VPS54: variants seen among roughly 807,000 people sequenced by gnomAD.
VPS54 encodes the protein vacuolar protein sorting-associated protein 54.
In VPS54, 45 loss-of-function variants were observed where a neutral mutation model predicts 121.5. The observed-to-expected ratio is 0.37, with a 90% CI of 0.29 to 0.47. VPS54 has a LOEUF of 0.47. VPS54 is among the 20% of genes least tolerant of loss of function. The pLI is 0.99. For missense variants in VPS54, 1,090 were observed against 1,131.4 expected (o/e 0.96, Z 0.52); for synonymous variants, 371 against 385.8 (o/e 0.96, Z 0.45).
At chr2:63,893,788 C>T (rs938901050) in intron 22 of VPS54, among the ~76,000 whole-genome samples, 1 of 152,026 alleles carries the variant, frequency 6.6e-6, no homozygotes, top group Non-Finnish European at 1.5e-5. Flanking sequence ...AAATTCAGCC[C>T]AAGAAAATCA....
intron 13 of VPS54, 137 bp from the exon 14 acceptor site, chr2:63,920,764 G>A: frequency 2.2e-6 from 1 of 463,404 alleles, no homozygotes; most frequent in Non-Finnish European, 3.2e-6. Flanking sequence ...CCCAGAAATT[G>A]AGCATGAAAT....
At chr2:64,018,591 AAAAGG>A (rs758350115) in intron 1 of VPS54, among the ~76,000 whole-genome samples, 12 of 151,256 alleles carry the variant, frequency 7.9e-5, no homozygotes, top group African/African-American at 2.4e-4. Context: ...CTGGAAAAAG[AAAAGG>A]AAAGTTTGGG....
intron 20 of VPS54, among the ~76,000 whole-genome samples, chr2:63,905,370 CCTCA>C (rs1672860034): frequency 6.6e-6 from 1 of 152,050 alleles, no homozygotes; most frequent in Non-Finnish European, 1.5e-5. Flanking sequence ...TAATACAGAT[CCTCA>C]CTGACATTAA....
chr2:63,938,874 C>G (rs1674587013), intron 11 of VPS54, among the ~76,000 whole-genome samples: 1 of 152,158 alleles, frequency 6.6e-6, no homozygotes. Flanking sequence ...CTTAATGCCA[C>G]TGAATTGTGC....
chr2:63,950,630 T>C (rs188806733), intron 7 of VPS54, among the ~76,000 whole-genome samples: 27 of 152,316 alleles, frequency 1.8e-4, no homozygotes, highest in African/African-American at 6.5e-4. Context: ...CTTCTCCCTT[T>C]GAAGCTTGTG....
chr2:63,921,154 A>T, intron 13 of VPS54, 52 bp downstream of exon 13: 3 of 1,534,912 alleles, frequency 2.0e-6, no homozygotes, highest in East Asian at 4.6e-5. Flanking sequence ...ATAATTCCAG[A>T]TCTTCAAAAT....
At chr2:64,004,071 G>C (rs1402029188) in intron 1 of VPS54, among the ~76,000 whole-genome samples, 1 of 152,144 alleles carries the variant, frequency 6.6e-6, no homozygotes, top group Non-Finnish European at 1.5e-5. Context: ...CAAGTTAAAA[G>C]GGGGTTCCCA....
chr2:63,901,435 A>G (rs1471306769), intron 20 of VPS54, among the ~76,000 whole-genome samples: 1 of 152,210 alleles, frequency 6.6e-6, no homozygotes, highest in Non-Finnish European at 1.5e-5. Context: ...AGGATAACTG[A>G]AAACCCTAGC....
intron 20 of VPS54, among the ~76,000 whole-genome samples, chr2:63,903,099 G>C (rs765862894): frequency 2.0e-5 from 3 of 151,986 alleles, no homozygotes; most frequent in Non-Finnish European, 4.4e-5. Context: ...TATAAAAAAG[G>C]AAACACACAA....
intron 1 of VPS54, among the ~76,000 whole-genome samples, chr2:64,009,848 T>G (rs1443994755): frequency 6.9e-5 from 1 of 14,416 alleles, no homozygotes; most frequent in Non-Finnish European, 2.6e-4. Context: ...TAATTGACCC[T>G]TTTTTTTTTT....
Position 63,947,414 on chromosome 2 carries a change from AT to A in VPS54, c.1213del (p.Met405TrpfsTer13), listed in dbSNP as rs1182519629. 6.4e-7 allele frequency: 1 copy of A among 1,559,548 alleles called. No homozygotes were observed. Among genetic ancestry groups the A allele is most frequent in the South Asian group, 1.1e-5 (1 of 88,660 alleles). ...AATGATATTCTTTGCTGTAATAACC[AT>A]TTTTTCACCATAGATTTCTAAAAAA... ...LNFLEIYGEK[M>X]VITAKNIIKQ... On this transcript the variant is annotated frameshift_variant, in exon 9 of 23. Transcript: ENST00000272322. LOFTEE classifies it high-confidence loss of function.
intron 1 of VPS54, among the ~76,000 whole-genome samples, chr2:63,992,972 GT>G (rs1677398888): frequency 6.6e-6 from 1 of 152,292 alleles, no homozygotes; most frequent in African/African-American, 2.4e-5. Flanking sequence ...TGTTGGGCAA[GT>G]GCTTTCACCA....
At chr2:63,895,505 G>A (rs534548327) in intron 22 of VPS54, among the ~76,000 whole-genome samples, 1 of 152,314 alleles carries the variant, frequency 6.6e-6, no homozygotes, top group East Asian at 1.9e-4. Flanking sequence ...GGAAGCAGCT[G>A]CCTAATGGGT....
rs1255962709 is a variant in VPS54 at position 63,892,321 on chromosome 2, G to C, written c.*1109C>G. On this transcript the variant is annotated 3_prime_UTR_variant, in exon 23 of 23. Transcript: ENST00000272322. ...ATATTAGGCACTCTGACAGGGTTAG[G>C]CAAGATTCTTGGTGTGAGGTGAAGC... 2.0e-5 allele frequency: 3 copies of C among 152,126 alleles called. No individual in the cohort carries two copies. The highest frequency in any genetic ancestry group is 7.2e-5 in the African/African-American group (3 of 41,428). 9.4% of individuals were successfully genotyped at this position (152,126 alleles called of 1,614,324 possible).
chr2:63,900,174 C>T (rs1006100229), intron 20 of VPS54, among the ~76,000 whole-genome samples: 7 of 141,156 alleles, frequency 5.0e-5, no homozygotes, highest in East Asian at 4.1e-4. Flanking sequence ...GAGCCAAGAT[C>T]GCACCACTGC....
chr2:63,953,227 G>A (rs1039831500), intron 7 of VPS54, among the ~76,000 whole-genome samples: 2 of 150,140 alleles, frequency 1.3e-5, no homozygotes, highest in Admixed American at 1.3e-4. Context: ...CACCTCCCAG[G>A]TTCAAGCAAT....
intron 12 of VPS54, among the ~76,000 whole-genome samples, chr2:63,931,536 T>C (rs1234123641): frequency 6.6e-6 from 1 of 152,190 alleles, no homozygotes; most frequent in East Asian, 1.9e-4. Context: ...ACGTAAGACC[T>C]AGGACCATAA....
At position 63,958,843 on chromosome 2, in the gene VPS54, T is replaced by C. The variant is rs546485430; in HGVS notation, c.1010+3215A>G. Among the ~76,000 whole-genome samples the C allele has an allele frequency of 1.4e-4, 22 of 152,366 alleles. No individual in the cohort carries two copies. The East Asian group carries it at 4.2e-3, about 29-fold the overall frequency. The stretch of plus-strand genomic sequence containing the variant: ...ATTTAAAAGAGTCCTTTGCTTGTCC[T>C]ACTGAAAGATTTCTTATTTCAAGTA... On this transcript the variant is annotated intron_variant, in intron 7 of 22. Coordinates refer to ENST00000272322, the MANE Select transcript of VPS54 (RefSeq NM_016516.3).
At chr2:63,896,025 AC>A (rs1017133489) in intron 22 of VPS54, among the ~76,000 whole-genome samples, 1 of 152,176 alleles carries the variant, frequency 6.6e-6, no homozygotes, top group African/African-American at 2.4e-5. Flanking sequence ...TCTTTAAGGT[AC>A]CCAGTATACA....
Sources: allele counts gnomAD v4.1 joint callset (sites outside exome capture counted in the v4.1 genomes callset), GRCh38; gene constraint gnomAD v4.1.1; transcripts MANE v1.5; gene names NCBI Gene and HGNC (gene_info 2026-07-23, HGNC 2026-07-21).